Variants in SHISA6 observed in about 807,000 individuals in gnomAD.
SHISA6 encodes shisa family member 6.
A neutral mutation model predicts 47.9 loss-of-function variants in SHISA6; 22 were observed. The ratio of observed to expected loss-of-function variants is 0.46; its 90% CI spans 0.33 to 0.66. The LOEUF (loss-of-function observed/expected upper bound fraction) is 0.66. Among genes scored for constraint, SHISA6 ranks in the 30% least tolerant of loss-of-function variants. The pLI is 0.02. For missense variants in SHISA6, 680 were observed against 764.6 expected (o/e 0.89, Z 1.30); for synonymous variants, 388 against 337.8 (o/e 1.15, Z -1.63).
chr17:11,474,311 CA>C (rs1021703746), intron 3 of SHISA6, among the ~76,000 whole-genome samples: 24 of 151,428 alleles, frequency 1.6e-4, no homozygotes, highest in Non-Finnish European at 3.1e-4. Context: ...CTCTAATGAT[CA>C]GTGATGATGA....
At chr17:11,418,716 T>C (rs922056287) in intron 3 of SHISA6, among the ~76,000 whole-genome samples, 1 of 152,210 alleles carries the variant, frequency 6.6e-6, no homozygotes, top group African/African-American at 2.4e-5. Flanking sequence ...GTCATTTGGT[T>C]TGTTGAAAAG....
intron 2 of SHISA6, among the ~76,000 whole-genome samples, chr17:11,275,264 G>A (rs898995824): frequency 5.3e-5 from 8 of 151,990 alleles, no homozygotes; most frequent in Non-Finnish European, 1.0e-4. Context: ...TGTTCTAATG[G>A]CGTGGGAATG....
intron 3 of SHISA6, among the ~76,000 whole-genome samples, chr17:11,541,204 G>A (rs998442206): frequency 4.6e-5 from 7 of 152,220 alleles, no homozygotes; most frequent in Non-Finnish European, 8.8e-5. Context: ...TGCTCTGGGT[G>A]AGGCGGAGGT....
chr17:11,526,576 G>A (rs2071683674), intron 3 of SHISA6, among the ~76,000 whole-genome samples: 1 of 152,050 alleles, frequency 6.6e-6, no homozygotes, highest in Non-Finnish European at 1.5e-5. Context: ...GATACCAGGA[G>A]GTATGACTTG....
chr17:11,469,703 C>T (rs1915893507), intron 3 of SHISA6, among the ~76,000 whole-genome samples: 6 of 152,106 alleles, frequency 3.9e-5, no homozygotes, highest in Admixed American at 3.3e-4. Context: ...TTCTCCCTGC[C>T]TCTCCCTGAT....
At chr17:11,297,686 C>T (rs1223573939) in intron 2 of SHISA6, among the ~76,000 whole-genome samples, 9 of 152,194 alleles carry the variant, frequency 5.9e-5, no homozygotes, top group African/African-American at 9.7e-5. Context: ...GTGTGCTTAG[C>T]TGGAAATCAG....
At chr17:11,291,942 C>G (rs544340528) in intron 2 of SHISA6, among the ~76,000 whole-genome samples, 156 of 152,238 alleles carry the variant, frequency 1.0e-3, no homozygotes, top group Non-Finnish European at 1.9e-3. Flanking sequence ...TGGTACTGTT[C>G]TGAAATATGC....
At chr17:11,274,882 T>TGC (rs1908824093) in intron 2 of SHISA6, among the ~76,000 whole-genome samples, 2 of 151,848 alleles carry the variant, frequency 1.3e-5, no homozygotes, top group Non-Finnish European at 2.9e-5. Flanking sequence ...CATCACCAAG[T>TGC]GCTTGAAGGG....
intron 3 of SHISA6, among the ~76,000 whole-genome samples, chr17:11,427,855 C>T (rs547196245): frequency 4.6e-5 from 7 of 152,164 alleles, no homozygotes; most frequent in Non-Finnish European, 1.0e-4. Context: ...TGGGTGGAGG[C>T]GAGGGGACAG....
At chr17:11,507,033 TC>T (rs1280164494) in intron 3 of SHISA6, among the ~76,000 whole-genome samples, 1 of 152,098 alleles carries the variant, frequency 6.6e-6, no homozygotes, top group Non-Finnish European at 1.5e-5. Context: ...GAGGTTTAAG[TC>T]TTCACCCTGC....
intron 2 of SHISA6, among the ~76,000 whole-genome samples, chr17:11,287,290 GA>G (rs1909341420): frequency 6.1e-5 from 8 of 130,316 alleles, no homozygotes; most frequent in African/African-American, 2.5e-4. Flanking sequence ...GGAAGGAAAG[GA>G]AGGAAGGAAG....
chr17:11,255,353 A>G (rs978840995), intron 1 of SHISA6, among the ~76,000 whole-genome samples: 1 of 152,180 alleles, frequency 6.6e-6, no homozygotes, highest in African/African-American at 2.4e-5. Flanking sequence ...AAAGAAGGAA[A>G]GAAAAGGAAG....
chr17:11,279,555 G>A (rs994824505), intron 2 of SHISA6, among the ~76,000 whole-genome samples: 2 of 152,070 alleles, frequency 1.3e-5, no homozygotes, highest in South Asian at 2.1e-4. Context: ...CTAAGAGGCT[G>A]TTACATGGGA....
At chr17:11,471,926 C>A (rs553951573) in intron 3 of SHISA6, among the ~76,000 whole-genome samples, 4 of 152,216 alleles carry the variant, frequency 2.6e-5, no homozygotes, top group African/African-American at 9.6e-5. Flanking sequence ...AAAATTGATA[C>A]ACCTACATTT....
Position 11,381,305 on chromosome 17 carries a change from TG to T in SHISA6, c.895+1799del, listed in dbSNP as rs1169196981. ...ATACATATAATAAATATGATGGCTT[TG>T]GGTTCATGCTTTCTTTCAACAAATA... On this transcript the variant is annotated intron_variant, in intron 3 of 5. Transcript: ENST00000441885. 6.6e-5 allele frequency among the ~76,000 whole-genome samples: 10 copies of T among 152,228 alleles called. 1 individual carries two copies. The highest frequency in any genetic ancestry group is 1.3e-4 in the Admixed American group (2 of 15,280).
intron 3 of SHISA6, among the ~76,000 whole-genome samples, chr17:11,511,310 G>C (rs2071539491): frequency 6.6e-6 from 1 of 152,054 alleles, no homozygotes; most frequent in African/African-American, 2.4e-5. Flanking sequence ...AGGGGAGGGA[G>C]AGCATTAGGA....
chr17:11,419,079 G>A (rs1040033984), intron 3 of SHISA6, among the ~76,000 whole-genome samples: 6 of 151,718 alleles, frequency 4.0e-5, no homozygotes, highest in Admixed American at 1.3e-4. Flanking sequence ...TGGGGGGAGC[G>A]GGGAGGGATA....
intron 2 of SHISA6, among the ~76,000 whole-genome samples, chr17:11,308,584 G>A (rs757829752): frequency 4.6e-5 from 7 of 152,124 alleles, no homozygotes; most frequent in Non-Finnish European, 2.9e-5. Flanking sequence ...GATCGGCTAC[G>A]TTCGCTAAGC....
In SHISA6 at chr17:11,475,974, C is replaced by T. The variant is rs188755498; in HGVS notation, c.896-75922C>T. 3.6e-3 allele frequency among the ~76,000 whole-genome samples: 547 copies of T among 152,062 alleles called. 6 individuals carry two copies. Among genetic ancestry groups the T allele is most frequent in the African/African-American group, 0.013 (524 of 41,512 alleles). On this transcript the variant is annotated intron_variant, in intron 3 of 5. Coordinates refer to ENST00000441885, the MANE Select transcript of SHISA6 (RefSeq NM_207386.4). ...GTTCAATTTCTTTAATATATACAGG[C>T]CCATACAGATTGTGTATTTCCTCTT...
Sources: allele counts gnomAD v4.1 joint callset (sites outside exome capture counted in the v4.1 genomes callset), GRCh38; gene constraint gnomAD v4.1.1; transcripts MANE v1.5; gene names NCBI Gene and HGNC (gene_info 2026-07-23, HGNC 2026-07-21).